VDAC3: variants seen among roughly 807,000 people sequenced by gnomAD.
VDAC3 encodes the protein non-selective voltage-gated ion channel VDAC3.
Under a neutral mutation model 33.9 loss-of-function variants are expected in VDAC3, and 7 were observed. The observed-to-expected ratio is 0.21, with a 90% CI of 0.12 to 0.39. VDAC3 has a LOEUF of 0.39. Ranked by LOEUF, VDAC3 falls within the 10% of genes least tolerant of loss-of-function variation. VDAC3 has a pLI of 1.00. For synonymous variants in VDAC3, 100 were observed against 122.4 expected, an observed-to-expected ratio of 0.82 and a Z score of 1.21; for missense variants, 261 against 334.5, an observed-to-expected ratio of 0.78 and a Z score of 1.71.
chr8:42,401,777 GTT>G lies in VDAC3; in HGVS notation c.324-9_324-8del. 1 of 1,612,002 alleles carries G rather than the reference GTT, an allele frequency of 6.2e-7. No individual in the cohort carries two copies. The highest frequency in any genetic ancestry group is 2.2e-5 in the East Asian group (1 of 44,850). ...TTTCATCATTTGCTTTTGTTTGTTTGTTTATTGCAGAAAGAAGAGTGGGAAAT... is the reference window on the plus strand; with the variant it reads ...TTTCATCATTTGCTTTTGTTTGTTTGTATTGCAGAAAGAAGAGTGGGAAAT... On this transcript the variant is annotated splice_polypyrimidine_tract_variant and intron_variant, in intron 6 of 9. Coordinates refer to ENST00000022615, the MANE Select transcript of VDAC3 (RefSeq NM_005662.7).
At chr8:42,404,781 T>C in intron 8 of VDAC3, 86 bp from the exon 9 acceptor site, 1 of 1,199,296 alleles carries the variant, frequency 8.3e-7, no homozygotes, top group Non-Finnish European at 1.2e-6. Flanking sequence ...CTTTTAGCAT[T>C]GGAAACCTAA....
intron 8 of VDAC3, 65 bp downstream of exon 8, chr8:42,403,526 T>C: frequency 2.8e-6 from 4 of 1,441,978 alleles, no homozygotes; most frequent in Non-Finnish European, 2.8e-6. Flanking sequence ...GAGAATGTTG[T>C]GATATGAGTG....
intron 6 of VDAC3, among the ~76,000 whole-genome samples, chr8:42,399,992 T>C (rs1441947695): frequency 6.6e-6 from 1 of 152,206 alleles, no homozygotes; most frequent in African/African-American, 2.4e-5. Context: ...AGACCATAGA[T>C]GAATCTTAAG....
intron 6 of VDAC3, among the ~76,000 whole-genome samples, chr8:42,400,678 T>C (rs895987665): frequency 9.9e-5 from 14 of 140,926 alleles, no homozygotes; most frequent in African/African-American, 3.5e-4. Flanking sequence ...CTTTTCTTTT[T>C]TTTTTTTTTT....
Position 42,401,819 on chromosome 8 carries a change from A to G in VDAC3, c.355A>G (p.Lys119Glu). 1 of 1,614,220 alleles carries G rather than the reference A, an allele frequency of 6.2e-7. No homozygotes were observed. The highest frequency in any genetic ancestry group is 8.5e-7 in the Non-Finnish European group (1 of 1,180,050). ...KKSGKLKASY[K>E]RDCFSVGSNV... ...GAGTGGGAAATTGAAGGCCTCCTAT[A>G]AACGGGATTGTTTTAGTGTTGGCAG... Residue 119 changes from lysine (K) to glutamate (E), a missense_variant, in exon 7 of 10, where the codon AAA becomes GAA. Lys to Glu is a moderately conservative substitution (Grantham distance 56). Coordinates refer to ENST00000022615, the MANE Select transcript of VDAC3 (RefSeq NM_005662.7).
intron 4 of VDAC3, chr8:42,397,739 A>G (rs1802341815): frequency 6.6e-6 from 1 of 152,204 alleles, no homozygotes; most frequent in South Asian, 2.1e-4. Flanking sequence ...CAGGATAGAA[A>G]GGGGGAAAGA....
chr8:42,402,078 C>T (rs2130890690), intron 7 of VDAC3, 63 bp downstream of exon 7: 2 of 1,501,744 alleles, frequency 1.3e-6, no homozygotes, highest in East Asian at 2.4e-5. Context: ...TAGCCATTAG[C>T]ATGCTGAGAA....
intron 5 of VDAC3, 77 bp from the exon 6 acceptor site, chr8:42,399,574 A>G: frequency 1.5e-6 from 2 of 1,364,254 alleles, no homozygotes; most frequent in Non-Finnish European, 1.0e-6. Context: ...GAACTCAGGA[A>G]ACTTTAGAAT....
intron 3 of VDAC3, among the ~76,000 whole-genome samples, chr8:42,394,690 A>AT (rs1237535560): frequency 1.3e-5 from 2 of 152,108 alleles, no homozygotes; most frequent in Non-Finnish European, 2.9e-5. Context: ...CTAAATAAAT[A>AT]TTTTTTAGGT....
chr8:42,401,647 T>C (rs977619114), intron 6 of VDAC3, 141 bp from the exon 7 acceptor site: 16 of 728,556 alleles, frequency 2.2e-5, no homozygotes, highest in Non-Finnish European at 3.4e-5. Flanking sequence ...ATTTGAAATG[T>C]TTTTACTATA....
Position 42,393,852 on chromosome 8 carries a change from G to T in VDAC3, c.-35G>T. ...CATTGTTGTCTTATACAGGTCTTTG[G>T]TTTCATAAGAGCCTGAGAGAGATTT... is the stretch of plus-strand genomic sequence containing the variant. On this transcript the variant is annotated 5_prime_UTR_variant, in exon 2 of 10. Coordinates refer to ENST00000022615, the MANE Select transcript of VDAC3 (RefSeq NM_005662.7). 1 of 419,906 alleles carries T rather than the reference G, an allele frequency of 2.4e-6. No individual in the cohort carries two copies. Among genetic ancestry groups the T allele is most frequent in the Non-Finnish European group, 4.2e-6 (1 of 237,596 alleles). The allele number at this position is 419,906 out of a possible 1,614,324, so 26.0% of individuals were successfully genotyped here.
chr8:42,395,247 T>C (rs1006978399), intron 4 of VDAC3, 114 bp downstream of exon 4: 17 of 1,475,046 alleles, frequency 1.2e-5, no homozygotes, highest in Non-Finnish European at 1.6e-5. Flanking sequence ...CCCCACAGCT[T>C]TGTCCTCTCA....
chr8:42,404,684 C>T (rs534618223), intron 8 of VDAC3, among the ~76,000 whole-genome samples, 183 bp from the exon 9 acceptor site: 32 of 147,986 alleles, frequency 2.2e-4, no homozygotes, highest in African/African-American at 8.1e-4. Context: ...ATCGTGCCAT[C>T]GCACTGCAGC....
At chr8:42,393,360 G>T (rs1370813868) in intron 1 of VDAC3, among the ~76,000 whole-genome samples, 1 of 152,162 alleles carries the variant, frequency 6.6e-6, no homozygotes, top group South Asian at 2.1e-4. Context: ...ACTGCTAGAG[G>T]TGGCTCTGTA....
At chr8:42,393,593 C>A (rs760355291) in intron 1 of VDAC3, among the ~76,000 whole-genome samples, 1 of 152,180 alleles carries the variant, frequency 6.6e-6, no homozygotes, top group Non-Finnish European at 1.5e-5. Context: ...GCTTTAACTT[C>A]AGAGTTTACA....
Position 42,391,938 on chromosome 8 carries a change from G to T in VDAC3, c.-43+10G>T. 1 of 152,496 alleles carries T rather than the reference G, an allele frequency of 6.6e-6. No homozygotes were observed. Among genetic ancestry groups the T allele is most frequent in the Non-Finnish European group, 1.5e-5 (1 of 68,246 alleles). 9.4% of individuals were successfully genotyped at this position (152,496 alleles called of 1,614,324 possible). On this transcript the variant is annotated intron_variant, in intron 1 of 9. Transcript: ENST00000022615. The stretch of plus-strand genomic sequence containing the variant: ...GGCCCTCGGGGTGGAGGTGAGGAGA[G>T]CTGAGGCCGCGCGGGCTCCAGTCCC...
rs1213008327 is a variant in VDAC3, at chr8:42,392,082, G to T, written c.-43+154G>T. Among the ~76,000 whole-genome samples, 5 of 152,224 alleles carry T rather than the reference G, an allele frequency of 3.3e-5. No individual in the cohort carries two copies. The East Asian group carries it at 7.7e-4, about 24-fold the overall frequency. On this transcript the variant is annotated intron_variant, in intron 1 of 9. Coordinates refer to ENST00000022615, the MANE Select transcript of VDAC3 (RefSeq NM_005662.7). ...GGGCCGGGGCCGCTCGCTCCCGCCG[G>T]GACCCGCCCGGGCCACCTCAGGCGA...
intron 6 of VDAC3, among the ~76,000 whole-genome samples, chr8:42,401,278 C>T (rs1394831992): frequency 6.6e-6 from 1 of 152,006 alleles, no homozygotes; most frequent in African/African-American, 2.4e-5. Flanking sequence ...CTCACTGCAA[C>T]CTCTGCCTCC....
intron 4 of VDAC3, among the ~76,000 whole-genome samples, chr8:42,396,173 G>T (rs1012424791): frequency 6.6e-6 from 1 of 152,104 alleles, no homozygotes; most frequent in South Asian, 2.1e-4. Flanking sequence ...CAGGAGAATG[G>T]CATGAACCCA....
Sources: gnomAD v4.1 joint callset for allele counts (sites outside exome capture counted in the v4.1 genomes callset) on GRCh38, gnomAD v4.1.1 for gene constraint, MANE v1.5 for transcripts, NCBI Gene and HGNC (gene_info 2026-07-23, HGNC 2026-07-21) for gene names.